Variants in DGCR8 observed in about 807,000 individuals in gnomAD.
The protein encoded by DGCR8 is DGCR8 microprocessor complex subunit.
DGCR8 carries 14 observed loss-of-function variants against 78.5 expected under a neutral mutation model. That is an observed-to-expected ratio of 0.18 (90% CI 0.12 to 0.28). The LOEUF is 0.28. Among genes scored for constraint, DGCR8 ranks in the 10% least tolerant of loss-of-function variants. The pLI, the probability that DGCR8 is intolerant of heterozygous loss-of-function variation, is 1.00. For missense variants in DGCR8, 702 were observed against 1,022.5 expected (o/e 0.69, Z 4.28); for synonymous variants, 399 against 402.4 (o/e 0.99, Z 0.10).
In DGCR8 at chr22:20,087,420, T is replaced by C. The variant is rs982800701; in HGVS notation, c.880+99T>C. On this transcript the variant is annotated intron_variant, in intron 3 of 13. Transcript: ENST00000351989. This position sits in a 1 kb window ranked among gnomAD's most constrained non-coding sequence, Gnocchi z 4.1. ...TTGAGAGAGCTCTGGTGCCAGGTAGTGGGCTGGGTGGAGGCATGTTTGAGG... is the reference window on the plus strand; with the variant it reads ...TTGAGAGAGCTCTGGTGCCAGGTAGCGGGCTGGGTGGAGGCATGTTTGAGG... 24 of 1,378,786 alleles carry C rather than the reference T, an allele frequency of 1.7e-5. No individual in the cohort carries two copies. Among genetic ancestry groups the C allele is most frequent in the Admixed American group, 2.5e-5 (1 of 40,256 alleles). 85.4% of individuals were successfully genotyped at this position (1,378,786 alleles called of 1,614,324 possible).
At chr22:20,104,645 C>T (rs2049748905) in intron 9 of DGCR8, among the ~76,000 whole-genome samples, 1 of 152,166 alleles carries the variant, frequency 6.6e-6, no homozygotes, top group African/African-American at 2.4e-5. Flanking sequence ...GGTTCCAGGG[C>T]CTGATGTCTT....
chr22:20,098,153 A>AT (rs2049652762), intron 9 of DGCR8, among the ~76,000 whole-genome samples: 1 of 150,760 alleles, frequency 6.6e-6, no homozygotes, highest in East Asian at 1.9e-4. Flanking sequence ...AAAAGAAAAA[A>AT]AATATATATA....
chr22:20,092,068 T>G, intron 7 of DGCR8, 98 bp downstream of exon 7: 1 of 941,698 alleles, frequency 1.1e-6, no homozygotes, highest in Admixed American at 2.2e-5. Flanking sequence ...CCTACTCTAC[T>G]GGAACGGGAG....
chr22:20,086,917 C>T lies in DGCR8; in HGVS notation c.720+234C>T, dbSNP rs143210042. The T allele has an allele frequency of 2.0e-4, 144 of 728,086 alleles. No homozygotes were observed. In the African/African-American group the frequency reaches 2.2e-3, roughly 11 times the overall value. The allele number at this position is 728,086 out of a possible 1,614,324, so 45.1% of individuals were successfully genotyped here. A position where few individuals can be genotyped will look rare whatever the true frequency, so the allele number is the denominator to read the frequency against. ...GGTAGGCCCTGCATCCCTGATCTAG[C>T]GCGTGGGGCAGCAGGTGCTGCTGAG... On this transcript the variant is annotated intron_variant, in intron 2 of 13. Transcript: ENST00000351989. The surrounding 1 kb of genome is among the most constrained non-coding windows in gnomAD (Gnocchi z 6.4).
chr22:20,106,851 C>A, intron 11 of DGCR8, 153 bp downstream of exon 11: 1 of 631,732 alleles, frequency 1.6e-6, no homozygotes, highest in Non-Finnish European at 2.8e-6. Flanking sequence ...CTAAGGCGGA[C>A]TGGCAGCCGT....
rs1393460997 is a variant in DGCR8 at position 20,090,165 on chromosome 22, C to G, written c.1213C>G (p.Pro405Ala). Reference protein sequence around the residue: ...PDSMGADPGPPDEKDPLGAEA... With the variant: ...PDSMGADPGPADEKDPLGAEA... ...CTCTATGGGTGCTGACCCGGGGCCCCCGGACGAGAAAGACCCACTAGGGGC... is the reference window on the plus strand; with the variant it reads ...CTCTATGGGTGCTGACCCGGGGCCCGCGGACGAGAAAGACCCACTAGGGGC... Residue 405 changes from proline to alanine, a missense_variant, in exon 5 of 14, where the codon CCG becomes GCG. Physicochemically the swap from Pro to Ala is conservative, Grantham distance 27. Coordinates refer to ENST00000351989, the MANE Select transcript of DGCR8 (RefSeq NM_022720.7). 1 of 1,614,250 alleles carries G rather than the reference C, an allele frequency of 6.2e-7. No individual in the cohort carries two copies.
intron 1 of DGCR8, among the ~76,000 whole-genome samples, chr22:20,082,211 C>T (rs1176858436): frequency 6.6e-6 from 1 of 151,968 alleles, no homozygotes; most frequent in Non-Finnish European, 1.5e-5. Flanking sequence ...CGTCCACCAC[C>T]ACCACGCCCG....
At position 20,086,873 on chromosome 22, in the gene DGCR8, A is replaced by T. The variant is rs1404400901; in HGVS notation, c.720+190A>T. On this transcript the variant is annotated intron_variant, in intron 2 of 13. Transcript: ENST00000351989. The surrounding 1 kb of genome is among the most constrained non-coding windows in gnomAD (Gnocchi z 6.4). The stretch of plus-strand genomic sequence containing the variant: ...GAGTCCAGATTTTTAAAGTTTCCTA[A>T]TGAAAAGTTTGGCCCATGGGTAGGC... 2 of 865,350 alleles carry T rather than the reference A, an allele frequency of 2.3e-6. No individual in the cohort carries two copies. Among genetic ancestry groups the T allele is most frequent in the Non-Finnish European group, 3.4e-6 (2 of 585,510 alleles). The allele number at this position is 865,350 out of a possible 1,614,324, so 53.6% of individuals were successfully genotyped here.
intron 9 of DGCR8, among the ~76,000 whole-genome samples, chr22:20,098,979 T>G (rs1459837288): frequency 6.6e-6 from 1 of 152,322 alleles, no homozygotes; most frequent in South Asian, 2.1e-4. Context: ...GTATTCTTTA[T>G]GATTTGTGGC....
chr22:20,086,844 T>A lies in DGCR8; in HGVS notation c.720+161T>A. The A allele has an allele frequency of 1.0e-6, 1 of 952,878 alleles. No homozygotes were observed. Among genetic ancestry groups the A allele is most frequent in the Non-Finnish European group, 1.5e-6 (1 of 658,386 alleles). The allele number at this position is 952,878 out of a possible 1,614,324, so 59.0% of individuals were successfully genotyped here. A position where few individuals can be genotyped will look rare whatever the true frequency, so the allele number is the denominator to read the frequency against. On this transcript the variant is annotated intron_variant, in intron 2 of 13. Transcript: ENST00000351989. This position sits in a 1 kb window ranked among gnomAD's most constrained non-coding sequence, Gnocchi z 6.4. ...TGTTAATGTGGAGAAGAGAAAGATG[T>A]AAGGAGTCCAGATTTTTAAAGTTTC...
chr22:20,096,190 A>G (rs1207154862), intron 9 of DGCR8, among the ~76,000 whole-genome samples: 1 of 152,230 alleles, frequency 6.6e-6, no homozygotes, highest in Non-Finnish European at 1.5e-5. Context: ...AGTTACAAAA[A>G]GAATGTTATT....
Position 20,111,277 on chromosome 22 carries a change from T to A in DGCR8, c.*1169T>A. 1 of 398,634 alleles carries A rather than the reference T, an allele frequency of 2.5e-6. No individual in the cohort carries two copies. Among genetic ancestry groups the A allele is most frequent in the Non-Finnish European group, 4.4e-6 (1 of 226,112 alleles). 24.7% of individuals were successfully genotyped at this position (398,634 alleles called of 1,614,324 possible). A position where few individuals can be genotyped will look rare whatever the true frequency, so the allele number is the denominator to read the frequency against. On this transcript the variant is annotated 3_prime_UTR_variant, in exon 14 of 14. Transcript: ENST00000351989. Reference sequence around the variant, plus strand: ...ACTGGCACCTGTGCAGAGTGCCGTGTGCTTGTGGTGCGCCATCTGAAGCAA... The same window carrying A: ...ACTGGCACCTGTGCAGAGTGCCGTGAGCTTGTGGTGCGCCATCTGAAGCAA...
At position 20,094,782 on chromosome 22, in the gene DGCR8, G is replaced by T. The variant is rs548363463; in HGVS notation, c.1775G>T (p.Ser592Ile). ...KQTSEEKPKD[S>I]EELEYFNHIS... ...ACCTCTGAAGAGAAGCCCAAAGACA[G>T]TGAAGAACTCGAGGTGAGTGTTGTG... The change falls in exon 9 of 14, where the codon AGT becomes ATT. Residue 592 changes from serine (S) to isoleucine (I), a missense_variant. Ser to Ile is a moderately radical substitution (Grantham distance 142). This residue lies in a region of DGCR8 where 225 missense variants were observed against 427.7 expected (regional missense o/e 0.53). Coordinates refer to ENST00000351989, the MANE Select transcript of DGCR8 (RefSeq NM_022720.7). 13 of 1,613,966 alleles carry T rather than the reference G, an allele frequency of 8.1e-6. No individual in the cohort carries two copies. Among genetic ancestry groups the T allele is most frequent in the Non-Finnish European group, 1.1e-5 (13 of 1,179,946 alleles).
At chr22:20,098,458 A>AT (rs1308351809) in intron 9 of DGCR8, among the ~76,000 whole-genome samples, 1 of 152,094 alleles carries the variant, frequency 6.6e-6, no homozygotes, top group South Asian at 2.1e-4. Context: ...ATATCTCAGA[A>AT]TTTTTTGTTA....
At position 20,110,778 on chromosome 22, in the gene DGCR8, G is replaced by C. The variant is rs2049831651; in HGVS notation, c.*670G>C. 2 of 170,614 alleles carry C rather than the reference G, an allele frequency of 1.2e-5. No homozygotes were observed. Among genetic ancestry groups the C allele is most frequent in the African/African-American group, 4.7e-5 (2 of 42,262 alleles). 10.6% of individuals were successfully genotyped at this position (170,614 alleles called of 1,614,324 possible). A position where few individuals can be genotyped will look rare whatever the true frequency, so the allele number is the denominator to read the frequency against. ...ACGATGCCAGCAAGGATGACGTCCT[G>C]CCACCTCCTGGAGTTACCCTGGCCT... On this transcript the variant is annotated 3_prime_UTR_variant, in exon 14 of 14. Transcript: ENST00000351989.
chr22:20,111,123 C>CAA lies in DGCR8; in HGVS notation c.*1017_*1018dup, dbSNP rs1408222900. The CAA allele has an allele frequency of 5.0e-6, 2 of 398,414 alleles. No individual in the cohort carries two copies. Among genetic ancestry groups the CAA allele is most frequent in the Non-Finnish European group, 8.8e-6 (2 of 226,088 alleles). The allele number at this position is 398,414 out of a possible 1,614,324, so 24.7% of individuals were successfully genotyped here. On this transcript the variant is annotated 3_prime_UTR_variant, in exon 14 of 14. Transcript: ENST00000351989. The stretch of plus-strand genomic sequence containing the variant: ...CTGTGACAGCGGTTTCTCTGGATGT[C>CAA]AAAGGCAGCTGCCTGGTGCCCAGCT...
chr22:20,099,210 G>A (rs372253502), intron 9 of DGCR8, among the ~76,000 whole-genome samples: 4 of 152,162 alleles, frequency 2.6e-5, no homozygotes, highest in African/African-American at 7.2e-5. Context: ...GGGCCTGTGC[G>A]CAGTCATCTC....
intron 7 of DGCR8, among the ~76,000 whole-genome samples, chr22:20,092,246 T>C (rs1281092545): frequency 6.6e-6 from 1 of 152,210 alleles, no homozygotes; most frequent in African/African-American, 2.4e-5. Flanking sequence ...TGCGTTGTCA[T>C]GGACAGCCTT....
rs144592551 is a variant in DGCR8, at chr22:20,091,897, C to T, written c.1533C>T (p.Ser511=). Residue 511 remains serine, a synonymous_variant, in exon 7 of 14, where the codon TCC becomes TCT. Transcript: ENST00000351989. ...TTGTTATTAACCCCAACGGGAAATC[C>T]GAGGTCTGCATCCTGCACGAGTACA... ...KEFVINPNGK[S]EVCILHEYMQ... is the part of the protein sequence containing the mutation. 3.8e-5 allele frequency: 61 copies of T among 1,613,988 alleles called. No individual in the cohort carries two copies. The highest frequency in any genetic ancestry group is 6.7e-5 in the East Asian group (3 of 44,884).
Sources: gnomAD v4.1 joint callset for allele counts (sites outside exome capture counted in the v4.1 genomes callset) on GRCh38, gnomAD v4.1.1 for gene constraint, gnomAD v4.1.1 regional missense constraint, Gnocchi (gnomAD v3.1) non-coding constraint, MANE v1.5 for transcripts, NCBI Gene and HGNC (gene_info 2026-07-23, HGNC 2026-07-21) for gene names.